The following CAMTA1 variants were observed in gnomAD, a reference collection of about 807,000 sequenced individuals.
The protein encoded by CAMTA1 is calmodulin-binding transcription activator 1.
Under a neutral mutation model 170.9 loss-of-function variants are expected in CAMTA1, and 27 were observed. The observed-to-expected ratio is 0.16, with a 90% confidence interval of 0.12 to 0.22. The LOEUF is 0.22. Ranked by LOEUF, CAMTA1 falls within the 10% of genes least tolerant of loss-of-function variation. The pLI is 1.00. For synonymous variants in CAMTA1, 833 were observed against 891.5 expected (o/e 0.93, Z 1.17); for missense variants, 1,619 against 2,217.2 (o/e 0.73, Z 5.42).
intron 6 of CAMTA1, among the ~76,000 whole-genome samples, chr1:7,626,061 T>G (rs1209172426): frequency 6.6e-6 from 1 of 152,228 alleles, no homozygotes; most frequent in African/African-American, 2.4e-5. Flanking sequence ...AGACATAAAC[T>G]GTTGAGAGCC....
intron 3 of CAMTA1, among the ~76,000 whole-genome samples, chr1:6,875,773 C>A (rs1310649342): frequency 6.6e-6 from 1 of 152,190 alleles, no homozygotes; most frequent in African/African-American, 2.4e-5. Context: ...TAAAATAATT[C>A]ACTTTTTAAG....
chr1:7,603,527 TTTGCTTGGTAGATC>T (rs1453822885), intron 6 of CAMTA1, among the ~76,000 whole-genome samples: 2 of 152,216 alleles, frequency 1.3e-5, no homozygotes, highest in Non-Finnish European at 2.9e-5. Context: ...TTGTTTTCCA[TTTGCTTGGTAGATC>T]TTCCTCCATC....
intron 5 of CAMTA1, among the ~76,000 whole-genome samples, chr1:7,452,638 C>G (rs1311517315): frequency 6.6e-6 from 1 of 152,170 alleles, no homozygotes; most frequent in Non-Finnish European, 1.5e-5. Context: ...GCCTTCTGTG[C>G]CTGGCTTCTT....
intron 4 of CAMTA1, among the ~76,000 whole-genome samples, chr1:7,142,921 T>C (rs1281405294): frequency 6.6e-6 from 1 of 152,226 alleles, no homozygotes; most frequent in Non-Finnish European, 1.5e-5. Flanking sequence ...TTGGCTTTCA[T>C]GGTGCTTTTG....
chr1:7,487,668 G>A (rs1225355797), intron 6 of CAMTA1, among the ~76,000 whole-genome samples: 1 of 152,192 alleles, frequency 6.6e-6, no homozygotes, highest in African/African-American at 2.4e-5. Flanking sequence ...CCCGCACAGG[G>A]CCTGGCTTAC....
At chr1:7,400,544 GT>G (rs1275856148) in intron 5 of CAMTA1, among the ~76,000 whole-genome samples, 5 of 149,536 alleles carry the variant, frequency 3.3e-5, no homozygotes, top group African/African-American at 7.4e-5. Flanking sequence ...TTTCTTTGTT[GT>G]TTTTTTTTCA....
At chr1:7,474,263 C>T (rs1032263677) in intron 6 of CAMTA1, among the ~76,000 whole-genome samples, 1 of 136,934 alleles carries the variant, frequency 7.3e-6, no homozygotes, top group Admixed American at 7.1e-5. Context: ...TGTCTAATGT[C>T]TCTGAGTCTC....
At chr1:7,077,990 G>GCA (rs149263539) in intron 3 of CAMTA1, among the ~76,000 whole-genome samples, 37,012 of 150,660 alleles carry the variant, frequency 0.25, 4,550 homozygotes, top group East Asian at 0.32. Flanking sequence ...GAGCTTGCGT[G>GCA]CACACACACA....
chr1:6,792,224 C>T (rs1420242800), intron 1 of CAMTA1, among the ~76,000 whole-genome samples: 2 of 152,036 alleles, frequency 1.3e-5, no homozygotes, highest in Non-Finnish European at 2.9e-5. Context: ...TCCCAAAGTG[C>T]TGAGATTACA....
intron 3 of CAMTA1, among the ~76,000 whole-genome samples, chr1:6,890,287 T>A (rs952647078): frequency 1.3e-5 from 2 of 152,198 alleles, no homozygotes; most frequent in Non-Finnish European, 2.9e-5. Context: ...TGTGAGGGAA[T>A]TTCCAGGTGG....
chr1:7,647,739 A>G (rs765451413), intron 7 of CAMTA1, among the ~76,000 whole-genome samples: 9 of 152,174 alleles, frequency 5.9e-5, no homozygotes, highest in Non-Finnish European at 1.2e-4. Context: ...GAGCCTGACT[A>G]GGAACAGGTA....
chr1:6,900,118 C>A (rs913790009), intron 3 of CAMTA1, among the ~76,000 whole-genome samples: 3 of 152,218 alleles, frequency 2.0e-5, no homozygotes, highest in African/African-American at 7.2e-5. Flanking sequence ...TTACCAGAAG[C>A]TTACAGTAAA....
At chr1:7,175,090 G>A (rs1188441854) in intron 4 of CAMTA1, among the ~76,000 whole-genome samples, 1 of 152,164 alleles carries the variant, frequency 6.6e-6, no homozygotes, top group Non-Finnish European at 1.5e-5. Flanking sequence ...CTGCAGGTGT[G>A]TAGGACAGGA....
intron 5 of CAMTA1, among the ~76,000 whole-genome samples, chr1:7,329,963 C>T (rs992916944): frequency 6.6e-6 from 1 of 152,198 alleles, no homozygotes; most frequent in Non-Finnish European, 1.5e-5. Context: ...GGCCCATGCT[C>T]ATGGGTAACA....
At chr1:6,869,483 T>C (rs755595832) in intron 3 of CAMTA1, among the ~76,000 whole-genome samples, 2 of 152,234 alleles carry the variant, frequency 1.3e-5, no homozygotes, top group Non-Finnish European at 2.9e-5. Context: ...TTTGTTGTCA[T>C]AATTTAAGTG....
intron 5 of CAMTA1, among the ~76,000 whole-genome samples, chr1:7,326,639 G>A (rs187584810): frequency 2.2e-4 from 33 of 152,286 alleles, no homozygotes; most frequent in African/African-American, 7.5e-4. Flanking sequence ...GCCAAGTGTT[G>A]CCAGCAAGCA....
chr1:6,929,639 A>AG (rs1352063859), intron 3 of CAMTA1, among the ~76,000 whole-genome samples: 2 of 151,492 alleles, frequency 1.3e-5, no homozygotes, highest in Non-Finnish European at 2.9e-5. Context: ...CTGGGATTAC[A>AG]GGCGTGAGCC....
intron 3 of CAMTA1, among the ~76,000 whole-genome samples, chr1:7,045,306 C>T (rs978192912): frequency 2.0e-5 from 3 of 152,182 alleles, no homozygotes; most frequent in Admixed American, 6.5e-5. Context: ...ACCAACCTCT[C>T]CTGGAAGGGC....
Position 7,562,159 on chromosome 1 carries a change from A to C in CAMTA1, c.511-78241A>C, listed in dbSNP as rs183473330. ...ACCCGCACCAGGATTCACGGGTTGC[A>C]GCTGCCCAGTCCTGAGGCCCGGCAC... On this transcript the variant is annotated intron_variant, in intron 6 of 22. Transcript: ENST00000303635. The surrounding 1 kb of genome is among the most constrained non-coding windows in gnomAD (Gnocchi z 4.8). 1.2e-4 allele frequency among the ~76,000 whole-genome samples: 19 copies of C among 152,338 alleles called. No homozygotes were observed. In the East Asian group the frequency reaches 3.5e-3, roughly 28 times the overall value.
Sources: gnomAD v4.1 joint callset for allele counts (sites outside exome capture counted in the v4.1 genomes callset) on GRCh38, gnomAD v4.1.1 for gene constraint, Gnocchi (gnomAD v3.1) non-coding constraint, MANE v1.5 for transcripts, NCBI Gene and HGNC (gene_info 2026-07-23, HGNC 2026-07-21) for gene names.